Variants in IFTAP observed in about 807,000 individuals in gnomAD.
IFTAP encodes intraflagellar transport associated protein, also known as intraflagellar transport-associated protein.
Under a neutral mutation model 19.4 loss-of-function variants are expected in IFTAP, and 19 were observed. The observed-to-expected ratio is 0.98, with a 90% CI of 0.68 to 1.44. The LOEUF (loss-of-function observed/expected upper bound fraction) is 1.44. IFTAP is among the 40% of genes most tolerant of loss of function. IFTAP has a pLI of 0.00. For synonymous variants in IFTAP, 85 were observed against 83.5 expected (o/e 1.02, Z -0.10); for missense variants, 240 against 253.6 (o/e 0.95, Z 0.36).
intron 5 of IFTAP, among the ~76,000 whole-genome samples, chr11:36,655,132 G>C (rs1317810038): frequency 6.6e-6 from 1 of 151,938 alleles, no homozygotes; most frequent in Non-Finnish European, 1.5e-5. Context: ...GGATGATTTG[G>C]CACCATATTT....
intron 2 of IFTAP, among the ~76,000 whole-genome samples, chr11:36,626,922 T>A (rs949286189): frequency 6.6e-6 from 1 of 150,996 alleles, no homozygotes; most frequent in Non-Finnish European, 1.5e-5. Flanking sequence ...ATTAAGGGGG[T>A]ACAGAATGTG....
chr11:36,615,830 G>A (rs892912879), intron 2 of IFTAP, among the ~76,000 whole-genome samples: 2 of 151,404 alleles, frequency 1.3e-5, no homozygotes, highest in African/African-American at 4.9e-5. Flanking sequence ...AGACAATGGG[G>A]TTTTCTAGAT....
intron 5 of IFTAP, among the ~76,000 whole-genome samples, chr11:36,652,136 C>T (rs1419192979): frequency 6.6e-6 from 1 of 152,112 alleles, no homozygotes; most frequent in African/African-American, 2.4e-5. Flanking sequence ...TATAAGTTAC[C>T]TTGAGCAGTA....
intron 1 of IFTAP, among the ~76,000 whole-genome samples, chr11:36,601,912 C>T (rs1851523369): frequency 6.6e-6 from 1 of 152,172 alleles, no homozygotes; most frequent in Admixed American, 6.5e-5. Context: ...TTGTCCTTCC[C>T]AAGTGCTGGG....
intron 1 of IFTAP, chr11:36,598,196 A>T (rs1851357916): frequency 6.6e-6 from 1 of 152,082 alleles, no homozygotes; most frequent in South Asian, 2.1e-4. Context: ...CTGACTGCCC[A>T]CTATGACTGT....
At chr11:36,650,458 T>C (rs1744519253) in intron 5 of IFTAP, among the ~76,000 whole-genome samples, 1 of 151,892 alleles carries the variant, frequency 6.6e-6, no homozygotes, top group Admixed American at 6.6e-5. Flanking sequence ...ATGTGTATGA[T>C]CAAATCAGGG....
intron 2 of IFTAP, among the ~76,000 whole-genome samples, chr11:36,619,861 A>G (rs1852230926): frequency 6.6e-6 from 1 of 152,066 alleles, no homozygotes; most frequent in African/African-American, 2.4e-5. Flanking sequence ...AAAAAAAGGC[A>G]ACTCGGGAAG....
chr11:36,601,793 A>G (rs1431708610), intron 1 of IFTAP, among the ~76,000 whole-genome samples: 1 of 152,036 alleles, frequency 6.6e-6, no homozygotes, highest in Non-Finnish European at 1.5e-5. Flanking sequence ...AGCTGGGACC[A>G]CAGGTGGACA....
rs143941594 is a variant in IFTAP at position 36,627,407 on chromosome 11, C to T, written c.137-5877C>T. On this transcript the variant is annotated intron_variant, in intron 2 of 5. Coordinates refer to ENST00000334307, the MANE Select transcript of IFTAP (RefSeq NM_138787.4). ...TGGATACTTAGATACTTAGATCCTC[C>T]CTGGGTTCTTCACCAGATAAGCATG... 8.1e-4 allele frequency among the ~76,000 whole-genome samples: 123 copies of T among 151,288 alleles called. 7 individuals carry two copies. The highest frequency in any genetic ancestry group is 2.8e-3 in the African/African-American group (113 of 40,614).
At chr11:36,611,209 T>G (rs911916835) in intron 2 of IFTAP, among the ~76,000 whole-genome samples, 1 of 152,128 alleles carries the variant, frequency 6.6e-6, no homozygotes, top group Non-Finnish European at 1.5e-5. Context: ...CCTTCTGGGT[T>G]CTGCTTCAGA....
intron 1 of IFTAP, among the ~76,000 whole-genome samples, chr11:36,609,527 G>C (rs531044547): frequency 1.8e-4 from 28 of 152,108 alleles, no homozygotes; most frequent in Non-Finnish European, 2.5e-4. Flanking sequence ...AGTAGGGAAG[G>C]GGGGGAGTGG....
chr11:36,637,282 T>G (rs559846358), intron 4 of IFTAP, among the ~76,000 whole-genome samples: 1 of 152,350 alleles, frequency 6.6e-6, no homozygotes, highest in African/African-American at 2.4e-5. Context: ...AGCATCACAC[T>G]ACTCCGTGAA....
intron 5 of IFTAP, among the ~76,000 whole-genome samples, chr11:36,656,513 T>A (rs1853995585): frequency 6.6e-6 from 1 of 151,938 alleles, no homozygotes; most frequent in African/African-American, 2.4e-5. Flanking sequence ...GAGGTTGCAG[T>A]GAGCTGAGAT....
At chr11:36,648,230 TGC>T in intron 5 of IFTAP, 75 bp downstream of exon 5, 2 of 1,478,756 alleles carry the variant, frequency 1.4e-6, no homozygotes, top group South Asian at 2.8e-5. Flanking sequence ...AAATGCTGCA[TGC>T]TTCTGTATTT....
At chr11:36,648,746 G>C (rs919420523) in intron 5 of IFTAP, among the ~76,000 whole-genome samples, 5 of 152,064 alleles carry the variant, frequency 3.3e-5, no homozygotes, top group African/African-American at 4.8e-5. Context: ...GTACCTGGAG[G>C]GGAGGAGAGA....
At chr11:36,652,666 T>A (rs1181235302) in intron 5 of IFTAP, among the ~76,000 whole-genome samples, 2 of 152,200 alleles carry the variant, frequency 1.3e-5, no homozygotes, top group East Asian at 3.8e-4. Flanking sequence ...TTTTGCCCAC[T>A]CAGTATGATA....
intron 2 of IFTAP, among the ~76,000 whole-genome samples, chr11:36,611,541 T>A (rs1449391341): frequency 6.6e-6 from 1 of 152,098 alleles, no homozygotes; most frequent in Non-Finnish European, 1.5e-5. Flanking sequence ...GTAGTAGTTA[T>A]AAGGAAATTA....
At position 36,648,175 on chromosome 11, in the gene IFTAP, G is replaced by C. The variant is rs761313796; in HGVS notation, c.498+20G>C. The C allele has an allele frequency of 2.6e-5, 42 of 1,609,600 alleles. No homozygotes were observed. Among genetic ancestry groups the C allele is most frequent in the Non-Finnish European group, 3.6e-5 (42 of 1,177,328 alleles). ...GAAGAGGTACTCCACAGGGAATTCA[G>C]TCATTCTCCACACTGCCTTGATTTT... On this transcript the variant is annotated intron_variant, in intron 5 of 5. Transcript: ENST00000334307.
At chr11:36,638,038 G>A (rs1001388887) in intron 4 of IFTAP, among the ~76,000 whole-genome samples, 7 of 151,828 alleles carry the variant, frequency 4.6e-5, no homozygotes, top group East Asian at 3.9e-4. Flanking sequence ...ATGCTGCCAT[G>A]CCTGGCTAAT....
Sources: allele counts gnomAD v4.1 joint callset (sites outside exome capture counted in the v4.1 genomes callset), GRCh38; gene constraint gnomAD v4.1.1; transcripts MANE v1.5; gene names NCBI Gene and HGNC (gene_info 2026-07-23, HGNC 2026-07-21).